The following DPP10 variants were observed in gnomAD, a reference collection of about 807,000 sequenced individuals.
The protein encoded by DPP10 is dipeptidyl peptidase like 10, also known as inactive dipeptidyl peptidase 10.
DPP10 carries 33 observed loss-of-function variants against 120.9 expected under a neutral mutation model. The observed-to-expected ratio is 0.27, with a 90% confidence interval of 0.21 to 0.37. The LOEUF (loss-of-function observed/expected upper bound fraction) is 0.37. Among genes scored for constraint, DPP10 ranks in the 10% least tolerant of loss-of-function variants. DPP10 has a pLI of 1.00. For missense variants in DPP10, 816 were observed against 942.8 expected, an observed-to-expected ratio of 0.87 and a Z score of 1.76; for synonymous variants, 337 against 326.1, an observed-to-expected ratio of 1.03 and a Z score of -0.36.
intron 1 of DPP10, among the ~76,000 whole-genome samples, chr2:114,462,737 A>G (rs565499873): frequency 7.2e-4 from 109 of 152,300 alleles, no homozygotes; most frequent in African/African-American, 2.2e-3. Context: ...TCTGGCAGCA[A>G]TAGTTGGCAC....
chr2:115,787,272 G>T (rs149751821), intron 17 of DPP10, among the ~76,000 whole-genome samples: 1 of 152,142 alleles, frequency 6.6e-6, no homozygotes, highest in East Asian at 1.9e-4. Flanking sequence ...ATAAATAGGA[G>T]AAAGATTAGT....
intron 5 of DPP10, among the ~76,000 whole-genome samples, chr2:115,615,149 AG>A (rs907077945): frequency 7.2e-5 from 11 of 152,042 alleles, no homozygotes; most frequent in African/African-American, 2.4e-4. Flanking sequence ...GTCATTACAG[AG>A]GAAAAAAAAA....
chr2:114,986,938 A>AT (rs957126005), intron 1 of DPP10, among the ~76,000 whole-genome samples: 8 of 151,368 alleles, frequency 5.3e-5, no homozygotes, highest in Non-Finnish European at 1.0e-4. Flanking sequence ...TGACTGGCTA[A>AT]TTTTTTTTTA....
intron 5 of DPP10, among the ~76,000 whole-genome samples, chr2:115,539,094 T>G (rs2079035430): frequency 6.6e-6 from 1 of 151,862 alleles, no homozygotes; most frequent in African/African-American, 2.4e-5. Context: ...AGGAGGTGGA[T>G]ATATCAGTGT....
At chr2:115,198,227 T>A (rs2055428541) in intron 1 of DPP10, among the ~76,000 whole-genome samples, 1 of 152,200 alleles carries the variant, frequency 6.6e-6, no homozygotes, top group South Asian at 2.1e-4. Context: ...AATCCTCCAG[T>A]GATTCCCCAG....
intron 1 of DPP10, among the ~76,000 whole-genome samples, chr2:114,753,782 G>A (rs1386425475): frequency 2.0e-5 from 3 of 151,518 alleles, no homozygotes; most frequent in Non-Finnish European, 2.9e-5. Context: ...GGTGGCGGGC[G>A]ACTGTACTCC....
At chr2:114,568,794 T>C (rs896299030) in intron 1 of DPP10, among the ~76,000 whole-genome samples, 1 of 152,370 alleles carries the variant, frequency 6.6e-6, no homozygotes, top group Middle Eastern at 3.4e-3. Flanking sequence ...TCTTGCTCTT[T>C]CTGTTCATTT....
chr2:115,408,037 A>G (rs1322570426), intron 3 of DPP10, among the ~76,000 whole-genome samples: 1 of 151,914 alleles, frequency 6.6e-6, no homozygotes, highest in Non-Finnish European at 1.5e-5. Context: ...AGGGAGGGAA[A>G]ATGAAGCATT....
chr2:115,019,032 A>G (rs1221583655), intron 1 of DPP10, among the ~76,000 whole-genome samples: 3 of 151,884 alleles, frequency 2.0e-5, no homozygotes, highest in Non-Finnish European at 4.4e-5. Context: ...TCAGCAGGGC[A>G]GAGACCCAGC....
chr2:115,076,210 C>T (rs1447272909), intron 1 of DPP10, among the ~76,000 whole-genome samples: 2 of 151,656 alleles, frequency 1.3e-5, no homozygotes, highest in Admixed American at 1.3e-4. Flanking sequence ...TTATAATAAA[C>T]ATTAGGTTTC....
intron 1 of DPP10, among the ~76,000 whole-genome samples, chr2:115,053,926 G>A (rs1411275917): frequency 6.6e-6 from 1 of 152,120 alleles, no homozygotes; most frequent in Non-Finnish European, 1.5e-5. Context: ...CAAATAATGA[G>A]CATATCAATA....
At chr2:115,033,893 C>CTTTTTTTTTTTTTTTTTTTTTTTTTT (rs965717193) in intron 1 of DPP10, among the ~76,000 whole-genome samples, 1 of 89,864 alleles carries the variant, frequency 1.1e-5, no homozygotes, top group Non-Finnish European at 2.1e-5. Context: ...TTTTCTTTTT[C>CTTTTTTTTTTTTTTTTTTTTTTTTTT]TTTTTTTTTT....
intron 5 of DPP10, among the ~76,000 whole-genome samples, chr2:115,648,455 A>G (rs1400840508): frequency 6.6e-6 from 1 of 152,004 alleles, no homozygotes; most frequent in East Asian, 1.9e-4. Context: ...GATATAATGC[A>G]TATATTAATT....
intron 5 of DPP10, among the ~76,000 whole-genome samples, chr2:115,595,110 G>A (rs2082908680): frequency 6.6e-6 from 1 of 152,066 alleles, no homozygotes; most frequent in Non-Finnish European, 1.5e-5. Flanking sequence ...AAATATGTAA[G>A]ATTTTAAACA....
intron 3 of DPP10, among the ~76,000 whole-genome samples, chr2:115,436,857 G>T (rs1220931264): frequency 6.6e-6 from 1 of 151,758 alleles, no homozygotes; most frequent in Non-Finnish European, 1.5e-5. Flanking sequence ...ATTTTAAACT[G>T]AACCATCTTT....
intron 3 of DPP10, among the ~76,000 whole-genome samples, chr2:115,450,064 T>C (rs1220730381): frequency 3.3e-5 from 5 of 152,124 alleles, no homozygotes; most frequent in Admixed American, 2.6e-4. Context: ...CAGGTACTCT[T>C]GGATTTATGG....
chr2:114,509,057 C>A (rs759948989), intron 1 of DPP10, among the ~76,000 whole-genome samples: 5 of 151,906 alleles, frequency 3.3e-5, no homozygotes, highest in Admixed American at 6.6e-5. Context: ...AGTGAAACTG[C>A]AGATAAGCAA....
At chr2:114,933,903 C>T (rs1447414543) in intron 1 of DPP10, among the ~76,000 whole-genome samples, 2 of 152,156 alleles carry the variant, frequency 1.3e-5, no homozygotes, top group Admixed American at 6.5e-5. Context: ...CATTGCTGAA[C>T]ACACACTGAG....
intron 11 of DPP10, among the ~76,000 whole-genome samples, chr2:115,758,002 AC>A (rs1679638095): frequency 6.6e-6 from 1 of 152,138 alleles, no homozygotes. Flanking sequence ...CATTCTCAGT[AC>A]TATCAAGCAA....
Sources: gnomAD v4.1 joint callset for allele counts (sites outside exome capture counted in the v4.1 genomes callset) on GRCh38, gnomAD v4.1.1 for gene constraint, MANE v1.5 for transcripts, NCBI Gene and HGNC (gene_info 2026-07-23, HGNC 2026-07-21) for gene names.